Variants in KLHL32 observed in about 807,000 individuals in gnomAD.
KLHL32 encodes kelch like family member 32.
KLHL32 carries 35 observed loss-of-function variants against 64.8 expected under a neutral mutation model. The ratio of observed to expected loss-of-function variants is 0.54; its 90% CI spans 0.41 to 0.72. KLHL32 has a LOEUF of 0.72. Among genes scored for constraint, KLHL32 ranks in the 30% least tolerant of loss-of-function variants. KLHL32 has a pLI of 0.00. For missense variants in KLHL32, 589 were observed against 768.5 expected (o/e 0.77, Z 2.76); for synonymous variants, 259 against 281.0 (o/e 0.92, Z 0.78).
At chr6:97,001,064 A>G (rs1326777034) in intron 3 of KLHL32, among the ~76,000 whole-genome samples, 1 of 152,246 alleles carries the variant, frequency 6.6e-6, no homozygotes, top group Non-Finnish European at 1.5e-5. Flanking sequence ...GGGGATTTTT[A>G]AAGCAGTGAA....
chr6:97,087,687 G>A (rs1243522708), intron 6 of KLHL32, among the ~76,000 whole-genome samples: 3 of 152,096 alleles, frequency 2.0e-5, no homozygotes, highest in Non-Finnish European at 4.4e-5. Context: ...TGAGAGCATG[G>A]TAAACACACA....
intron 5 of KLHL32, among the ~76,000 whole-genome samples, chr6:97,078,275 AT>A (rs1409939274): frequency 6.6e-6 from 1 of 152,230 alleles, no homozygotes; most frequent in Non-Finnish European, 1.5e-5. Context: ...TCAACATTTT[AT>A]ATAAGAACTT....
In KLHL32 at chr6:97,113,871, A is replaced by T. The variant is rs1162834139; in HGVS notation, c.716A>T (p.Asp239Val). 2 of 1,614,096 alleles carry T rather than the reference A, an allele frequency of 1.2e-6. No individual in the cohort carries two copies. The highest frequency in any genetic ancestry group is 1.1e-5 in the South Asian group (1 of 91,076). The stretch of plus-strand genomic sequence containing the variant: ...ATCCGCTTTGGCCTAATGGATGTGG[A>T]TACTCTCCATACAGTTGCCCTGTCC... ...QYIRFGLMDV[D>V]TLHTVALSHP... The change falls in exon 7 of 11, where the codon GAT (aspartate) becomes GTT (valine). Residue 239 changes from aspartate to valine, a missense_variant. Physicochemically the swap from Asp to Val is radical, Grantham distance 152 (BLOSUM62 -3). This residue lies in a region of KLHL32 where 226 missense variants were observed against 353.2 expected (regional missense o/e 0.64). Transcript: ENST00000369261.
intron 3 of KLHL32, among the ~76,000 whole-genome samples, chr6:97,035,027 T>A (rs568467099): frequency 6.6e-5 from 10 of 152,212 alleles, no homozygotes; most frequent in Non-Finnish European, 1.3e-4. Context: ...CTTCCAGTAC[T>A]AAGTTGAATA....
At chr6:96,989,430 C>G (rs1046693406) in intron 3 of KLHL32, among the ~76,000 whole-genome samples, 1 of 152,290 alleles carries the variant, frequency 6.6e-6, no homozygotes, top group East Asian at 1.9e-4. Context: ...AGGCCCCAAT[C>G]TCTTCAGGCT....
intron 3 of KLHL32, among the ~76,000 whole-genome samples, chr6:97,025,566 A>T (rs574530368): frequency 5.3e-5 from 8 of 152,350 alleles, no homozygotes; most frequent in South Asian, 2.1e-4. Context: ...GGTTTGAAGA[A>T]GTGGAGGAGA....
chr6:97,057,278 G>C (rs1788130838), intron 4 of KLHL32, among the ~76,000 whole-genome samples: 1 of 94,008 alleles, frequency 1.1e-5, no homozygotes, highest in African/African-American at 6.3e-5. Flanking sequence ...CCGCCTCCCG[G>C]GTTCACGCCA....
chr6:97,089,305 C>T (rs1793873832), intron 6 of KLHL32, among the ~76,000 whole-genome samples: 1 of 152,222 alleles, frequency 6.6e-6, no homozygotes, highest in African/African-American at 2.4e-5. Context: ...CCACCTGTTA[C>T]ATGCTAGGCA....
chr6:96,924,422 G>A (rs561581269), upstream of KLHL32, among the ~76,000 whole-genome samples: 7 of 150,564 alleles, frequency 4.6e-5, no homozygotes, highest in Non-Finnish European at 8.9e-5. Context: ...GCGTGGAGGA[G>A]GGTACTTCCG....
chr6:97,018,018 G>T (rs550344440), intron 3 of KLHL32, among the ~76,000 whole-genome samples: 4 of 152,284 alleles, frequency 2.6e-5, no homozygotes, highest in African/African-American at 9.6e-5. Context: ...AACTGCCTAA[G>T]ATTTTAATGC....
At chr6:97,005,308 G>C (rs929346087) in intron 3 of KLHL32, among the ~76,000 whole-genome samples, 1 of 152,162 alleles carries the variant, frequency 6.6e-6, no homozygotes, top group East Asian at 1.9e-4. Flanking sequence ...TTGCATATCT[G>C]TGGGGTCAGT....
intron 3 of KLHL32, among the ~76,000 whole-genome samples, chr6:96,984,390 T>C (rs7753381): frequency 0.31 from 47,123 of 151,992 alleles, 7,874 homozygotes; most frequent in African/African-American, 0.44. Flanking sequence ...TAGATGTCTA[T>C]TAGGTCCGCT....
intron 3 of KLHL32, among the ~76,000 whole-genome samples, chr6:97,011,921 G>A (rs1780457603): frequency 6.6e-6 from 1 of 152,098 alleles, no homozygotes; most frequent in Non-Finnish European, 1.5e-5. Flanking sequence ...ATTCACATTT[G>A]TTACTTTGTT....
intron 3 of KLHL32, among the ~76,000 whole-genome samples, chr6:97,006,051 G>A (rs1217653608): frequency 6.6e-6 from 1 of 151,488 alleles, no homozygotes; most frequent in African/African-American, 2.4e-5. Context: ...CTGAGTATAG[G>A]TCCTGAATAT....
chr6:97,020,110 T>G (rs775360793), intron 3 of KLHL32, among the ~76,000 whole-genome samples: 2 of 151,978 alleles, frequency 1.3e-5, no homozygotes, highest in African/African-American at 4.8e-5. Context: ...GCCAGGCTGA[T>G]TTTTGTATTT....
intron 3 of KLHL32, among the ~76,000 whole-genome samples, chr6:96,988,404 A>T (rs1374685107): frequency 3.9e-5 from 6 of 152,158 alleles, no homozygotes; most frequent in Non-Finnish European, 5.9e-5. Flanking sequence ...CCACAGTGAG[A>T]TACCATCTCA....
At chr6:96,906,972 T>C in the KLHL32 span, among the ~76,000 whole-genome samples, 1 of 152,174 alleles carries the variant, frequency 6.6e-6, no homozygotes, top group Non-Finnish European at 1.5e-5. Flanking sequence ...CTCTCAGCAG[T>C]GTGATCTAGT....
At chr6:97,108,632 G>C (rs1419927070) in intron 6 of KLHL32, among the ~76,000 whole-genome samples, 1 of 152,142 alleles carries the variant, frequency 6.6e-6, no homozygotes, top group Non-Finnish European at 1.5e-5. Flanking sequence ...TGATTTCAGT[G>C]GGGTTTCTCC....
At chr6:97,031,908 C>G (rs1783611079) in intron 3 of KLHL32, among the ~76,000 whole-genome samples, 1 of 152,044 alleles carries the variant, frequency 6.6e-6, no homozygotes, top group Admixed American at 6.5e-5. Flanking sequence ...AGACATGGGA[C>G]AGTAAGACCA....
Sources: gnomAD v4.1 joint callset for allele counts (sites outside exome capture counted in the v4.1 genomes callset) on GRCh38, gnomAD v4.1.1 for gene constraint, gnomAD v4.1.1 regional missense constraint, MANE v1.5 for transcripts, NCBI Gene and HGNC (gene_info 2026-07-23, HGNC 2026-07-21) for gene names.